TRMT9B: variants seen among roughly 807,000 people sequenced by gnomAD.
TRMT9B encodes the protein probable tRNA methyltransferase 9B.
TRMT9B carries 16 observed loss-of-function variants against 11.5 expected under a neutral mutation model. The ratio of observed to expected loss-of-function variants is 1.39; its 90% CI spans 0.94 to 2.11. The LOEUF (loss-of-function observed/expected upper bound fraction) is 2.11, where lower values mean the gene tolerates loss of function less well. TRMT9B is among the 30% of genes most tolerant of loss of function. The probability of loss-of-function intolerance (pLI) is 0.00; values close to 1 mark genes in which losing one functional copy is unlikely to be tolerated. For synonymous variants in TRMT9B, 274 were observed against 192.4 expected, an observed-to-expected ratio of 1.42 and a Z score of -3.51; for missense variants, 941 against 553.8, an observed-to-expected ratio of 1.70 and a Z score of -7.02.
In TRMT9B at chr8:12,984,431, G is replaced by C. The variant is rs549273513; in HGVS notation, c.-199-6403G>C. Among the ~76,000 whole-genome samples, 6 of 152,278 alleles carry C rather than the reference G, an allele frequency of 3.9e-5. No homozygotes were observed. The South Asian group carries it at 8.3e-4, about 21-fold the overall frequency. ...TAGAAAAATCATTAGGTGACTTACAGCTTTATGGTTGAAAACCATGATCTT... is the reference window on the plus strand; with the variant it reads ...TAGAAAAATCATTAGGTGACTTACACCTTTATGGTTGAAAACCATGATCTT... On this transcript the variant is annotated intron_variant, in intron 1 of 4. Transcript: ENST00000524591.
chr8:12,987,351 G>T (rs1806498010), intron 1 of TRMT9B, among the ~76,000 whole-genome samples: 1 of 152,116 alleles, frequency 6.6e-6, no homozygotes, highest in Non-Finnish European at 1.5e-5. Context: ...TTATGATGGG[G>T]TTACATCCCA....
At position 13,027,419 on chromosome 8, in the gene TRMT9B, C is replaced by G. The variant is rs182677017; in HGVS notation, c.*5375C>G. On this transcript the variant is annotated 3_prime_UTR_variant, in exon 5 of 5. Coordinates refer to ENST00000524591, the MANE Select transcript of TRMT9B (RefSeq NM_020844.3). Reference sequence around the variant, plus strand: ...TGGACTTAATCTAGCTTACCCTAGACGTATTAACATCCTATAGCGCACGTG... The same window carrying G: ...TGGACTTAATCTAGCTTACCCTAGAGGTATTAACATCCTATAGCGCACGTG... 2.4e-5 allele frequency: 4 copies of G among 167,106 alleles called. No individual in the cohort carries two copies. Among genetic ancestry groups the G allele is most frequent in the African/African-American group, 9.6e-5 (4 of 41,552 alleles). The allele number at this position is 167,106 out of a possible 1,614,324, so 10.4% of individuals were successfully genotyped here.
chr8:13,011,982 G>A, intron 3 of TRMT9B: 3 of 985,340 alleles, frequency 3.0e-6, no homozygotes, highest in Non-Finnish European at 2.4e-6. Context: ...GACAACAGGA[G>A]AATAAAAGCC....
At chr8:13,017,139 A>T (rs1357260306) in intron 4 of TRMT9B, among the ~76,000 whole-genome samples, 1 of 152,026 alleles carries the variant, frequency 6.6e-6, no homozygotes, top group African/African-American at 2.4e-5. Context: ...ACCCCGAATT[A>T]TCTAGCCCAA....
rs34715221 is a variant in TRMT9B, at chr8:13,017,614, C to CTTTTTTTT, written c.329-3384_329-3377dup. On this transcript the variant is annotated intron_variant, in intron 4 of 4. Transcript: ENST00000524591. Reference sequence around the variant, plus strand: ...ATGTAATGAAGTAATCATTTGTAGGCTTTTTTTTTTTTTTTTTGAGACAGT... The same window carrying CTTTTTTTT: ...ATGTAATGAAGTAATCATTTGTAGGCTTTTTTTTTTTTTTTTTTTTTTTTTGAGACAGT... Among the ~76,000 whole-genome samples, 3 of 117,548 alleles carry CTTTTTTTT rather than the reference C, an allele frequency of 2.6e-5. 1 individual carries two copies. The highest frequency in any genetic ancestry group is 5.0e-5 in the Non-Finnish European group (3 of 60,556). The allele number at this position is 117,548 out of a possible 152,430, so 77.1% of individuals were successfully genotyped here.
At chr8:12,968,102 C>G (rs949431508) in intron 1 of TRMT9B, among the ~76,000 whole-genome samples, 1 of 152,234 alleles carries the variant, frequency 6.6e-6, no homozygotes, top group Non-Finnish European at 1.5e-5. Flanking sequence ...CCAGGCTGGT[C>G]TCAAACTCCT....
intron 2 of TRMT9B, among the ~76,000 whole-genome samples, chr8:12,997,578 C>T (rs2460922): frequency 0.8 from 121,081 of 152,134 alleles, 48,278 homozygotes; most frequent in Middle Eastern, 0.86. Context: ...TTGCAAACTT[C>T]CATGCTACCC....
At chr8:12,998,481 A>T (rs927139699) in intron 2 of TRMT9B, among the ~76,000 whole-genome samples, 9 of 152,334 alleles carry the variant, frequency 5.9e-5, no homozygotes, top group Admixed American at 4.6e-4. Flanking sequence ...ACAGAAAGAA[A>T]CTCAAGATAG....
At chr8:13,011,932 G>C in intron 3 of TRMT9B, 5 of 985,316 alleles carry the variant, frequency 5.1e-6, no homozygotes, top group Non-Finnish European at 6.0e-6. Flanking sequence ...GTTGACAGTT[G>C]TTTGTTTTGC....
At chr8:12,969,639 T>G (rs1174167548) in intron 1 of TRMT9B, among the ~76,000 whole-genome samples, 1 of 152,048 alleles carries the variant, frequency 6.6e-6, no homozygotes, top group African/African-American at 2.4e-5. Context: ...ATATTTTTTC[T>G]TTTTTAAAAA....
chr8:12,990,478 T>TA (rs767623894), intron 1 of TRMT9B, among the ~76,000 whole-genome samples: 2 of 152,212 alleles, frequency 1.3e-5, no homozygotes, highest in African/African-American at 2.4e-5. Flanking sequence ...CCAATTGTAC[T>TA]GGAATGATTT....
Position 13,025,664 on chromosome 8 carries a change from C to G in TRMT9B, c.*3620C>G, listed in dbSNP as rs908673772. The G allele has an allele frequency of 6.0e-6, 1 of 167,000 alleles. No homozygotes were observed. The highest frequency in any genetic ancestry group is 1.5e-5 in the Non-Finnish European group (1 of 68,120). 10.3% of individuals were successfully genotyped at this position (167,000 alleles called of 1,614,324 possible). A position where few individuals can be genotyped will look rare whatever the true frequency, so the allele number is the denominator to read the frequency against. On this transcript the variant is annotated 3_prime_UTR_variant, in exon 5 of 5. Transcript: ENST00000524591. The stretch of plus-strand genomic sequence containing the variant: ...TGTTATAGTGAGAATCATTCAAGCA[C>G]CTATTTAAATTTTTTCCAATTGCCA...
intron 2 of TRMT9B, among the ~76,000 whole-genome samples, chr8:13,005,977 T>C (rs952836342): frequency 1.3e-5 from 2 of 152,244 alleles, no homozygotes; most frequent in Non-Finnish European, 2.9e-5. Flanking sequence ...TTTCTCAAAA[T>C]TGTTTTCCTT....
At chr8:12,946,230 A>G (rs1224926858) in intron 1 of TRMT9B, among the ~76,000 whole-genome samples, 1 of 152,238 alleles carries the variant, frequency 6.6e-6, no homozygotes, top group Non-Finnish European at 1.5e-5. Flanking sequence ...TCTAGACAAT[A>G]GCTTTTTGTC....
rs201531753 is a variant in TRMT9B, at chr8:12,948,777, G to C, written c.-200+2811G>C. On this transcript the variant is annotated intron_variant, in intron 1 of 4. Coordinates refer to ENST00000524591, the MANE Select transcript of TRMT9B (RefSeq NM_020844.3). ...AGATCGAGACCATTCTGGCTAACAC[G>C]GTGAAACCTCATCTCTACTAAAAAT... 7.8e-4 allele frequency among the ~76,000 whole-genome samples: 118 copies of C among 152,096 alleles called. 1 individual carries two copies. In the East Asian group the frequency reaches 0.022, roughly 29 times the overall value.
chr8:13,017,988 A>G (rs1376402980), intron 4 of TRMT9B, among the ~76,000 whole-genome samples: 3 of 151,882 alleles, frequency 2.0e-5, no homozygotes, highest in Non-Finnish European at 4.4e-5. Context: ...AAGTATAAAT[A>G]TAAAACATAA....
intron 4 of TRMT9B, among the ~76,000 whole-genome samples, chr8:13,016,020 A>T (rs1401176455): frequency 2.0e-5 from 3 of 151,018 alleles, no homozygotes; most frequent in African/African-American, 7.3e-5. Context: ...CTGGGGTGAG[A>T]GGATCCTTTG....
At chr8:13,014,079 A>G (rs7004313) in intron 4 of TRMT9B, among the ~76,000 whole-genome samples, 36,271 of 152,172 alleles carry the variant, frequency 0.24, 5,046 homozygotes, top group African/African-American at 0.38. Flanking sequence ...AAATAGATGA[A>G]AGATTGATTT....
chr8:12,993,887 T>C (rs1457469265), intron 2 of TRMT9B, among the ~76,000 whole-genome samples: 1 of 152,104 alleles, frequency 6.6e-6, no homozygotes, highest in Non-Finnish European at 1.5e-5. Flanking sequence ...TTGTTGGGAG[T>C]GCCTAAGTAG....
Sources: gnomAD v4.1 joint callset for allele counts (sites outside exome capture counted in the v4.1 genomes callset) on GRCh38, gnomAD v4.1.1 for gene constraint, MANE v1.5 for transcripts, NCBI Gene and HGNC (gene_info 2026-07-23, HGNC 2026-07-21) for gene names.